FAM222B: variants seen among roughly 807,000 people sequenced by gnomAD.
FAM222B encodes family with sequence similarity 222 member B, also known as protein FAM222B.
Under a neutral mutation model 38.0 loss-of-function variants are expected in FAM222B, and 12 were observed. The ratio of observed to expected loss-of-function variants is 0.32; its 90% confidence interval spans 0.20 to 0.51. FAM222B has a LOEUF of 0.51. FAM222B is among the 20% of genes least tolerant of loss of function. FAM222B has a pLI of 0.97. For missense variants in FAM222B, 716 were observed against 754.2 expected, an observed-to-expected ratio of 0.95 and a Z score of 0.59; for synonymous variants, 329 against 317.2, an observed-to-expected ratio of 1.04 and a Z score of -0.40.
At chr17:28,767,479 T>TA (rs1409998785) in intron 1 of FAM222B, among the ~76,000 whole-genome samples, 1 of 148,806 alleles carries the variant, frequency 6.7e-6, no homozygotes, top group Non-Finnish European at 1.5e-5. Context: ...TTTATTTACT[T>TA]ATTTATTTAT....
At chr17:28,806,443 TC>T (rs914577173) in intron 1 of FAM222B, among the ~76,000 whole-genome samples, 1 of 152,144 alleles carries the variant, frequency 6.6e-6, no homozygotes, top group Admixed American at 6.6e-5. Flanking sequence ...CTTCCTGGGA[TC>T]CACCAGCACC....
chr17:28,804,380 C>T (rs1418080401), intron 1 of FAM222B, among the ~76,000 whole-genome samples: 1 of 152,042 alleles, frequency 6.6e-6, no homozygotes, highest in Non-Finnish European at 1.5e-5. Flanking sequence ...CTGTCGCCAG[C>T]CTAGAGCGCA....
chr17:28,790,884 C>CATTTTTTTTTTTTTTTTTTTTTTTT lies in FAM222B; in HGVS notation c.-40-24178_-40-24177insAAAAAAAAAAAAAAAAAAAAAAAAT, dbSNP rs71135852. On this transcript the variant is annotated intron_variant, in intron 1 of 2. Coordinates refer to ENST00000581407, the MANE Select transcript of FAM222B (RefSeq NM_001077498.3). ...GTTCTATATATTTCAAATTGTTTCA[C>CATTTTTTTTTTTTTTTTTTTTTTTT]TTTTTTTTTTTTTTTTTTTTTTTTT... 3.8e-3 allele frequency among the ~76,000 whole-genome samples: 331 copies of CATTTTTTTTTTTTTTTTTTTTTTTT among 86,084 alleles called. 134 individuals are homozygous for CATTTTTTTTTTTTTTTTTTTTTTTT. The highest frequency in any genetic ancestry group is 5.3e-3 in the Non-Finnish European group (243 of 46,266). 56.5% of individuals were successfully genotyped at this position (86,084 alleles called of 152,430 possible). A position where few individuals can be genotyped will look rare whatever the true frequency, so the allele number is the denominator to read the frequency against.
intron 1 of FAM222B, among the ~76,000 whole-genome samples, chr17:28,769,586 C>T (rs34463441): frequency 0.19 from 28,758 of 152,178 alleles, 2,850 homozygotes; most frequent in South Asian, 0.3. Context: ...CGTGAGCCAC[C>T]GCGCCCGGCC....
intron 1 of FAM222B, among the ~76,000 whole-genome samples, chr17:28,853,303 G>A (rs1207266081): frequency 6.6e-6 from 1 of 152,014 alleles, no homozygotes; most frequent in Non-Finnish European, 1.5e-5. Context: ...GGTCGAGGCT[G>A]TAGTGAGCCA....
intron 1 of FAM222B, among the ~76,000 whole-genome samples, chr17:28,774,770 C>T (rs1282951025): frequency 3.3e-5 from 5 of 151,528 alleles, no homozygotes; most frequent in Non-Finnish European, 7.4e-5. Flanking sequence ...GGTGAAACCC[C>T]GTCTCTACTA....
chr17:28,763,000 T>A (rs1197337894), intron 2 of FAM222B, among the ~76,000 whole-genome samples: 2 of 152,016 alleles, frequency 1.3e-5, no homozygotes, highest in Non-Finnish European at 2.9e-5. Context: ...CCCTGACTAC[T>A]TATTTTCTTC....
At chr17:28,788,465 A>C (rs2036518114) in intron 1 of FAM222B, among the ~76,000 whole-genome samples, 1 of 149,316 alleles carries the variant, frequency 6.7e-6, no homozygotes, top group Non-Finnish European at 1.5e-5. Context: ...TCTGGAACTC[A>C]TGAGCTCAGG....
At chr17:28,813,702 A>AT (rs571045731) in intron 1 of FAM222B, among the ~76,000 whole-genome samples, 10,521 of 135,236 alleles carry the variant, frequency 0.078, 454 homozygotes, top group African/African-American at 0.13. Flanking sequence ...CGCCCAGCTA[A>AT]TTTTTTTTTT....
At chr17:28,852,673 C>T (rs974780205) in intron 1 of FAM222B, among the ~76,000 whole-genome samples, 7 of 152,020 alleles carry the variant, frequency 4.6e-5, no homozygotes, top group Non-Finnish European at 4.4e-5. Context: ...AAAGAAAATC[C>T]TCTGTTAACC....
chr17:28,823,355 C>A (rs954686121), intron 1 of FAM222B, among the ~76,000 whole-genome samples: 1 of 149,558 alleles, frequency 6.7e-6, no homozygotes, highest in Non-Finnish European at 1.5e-5. Context: ...GCTCACCACT[C>A]CGTTCTATTT....
At chr17:28,811,766 C>T (rs2037777021) in intron 1 of FAM222B, among the ~76,000 whole-genome samples, 2 of 152,142 alleles carry the variant, frequency 1.3e-5, no homozygotes, top group Admixed American at 1.3e-4. Flanking sequence ...GGGGCTGCTC[C>T]CTCTTTCCAC....
chr17:28,814,726 C>G (rs2037945798), intron 1 of FAM222B, among the ~76,000 whole-genome samples: 1 of 151,070 alleles, frequency 6.6e-6, no homozygotes, highest in African/African-American at 2.4e-5. Flanking sequence ...CTCGGCCTCC[C>G]AAAGTGCTGG....
chr17:28,797,747 A>G (rs2037010435), intron 1 of FAM222B, among the ~76,000 whole-genome samples: 1 of 152,162 alleles, frequency 6.6e-6, no homozygotes, highest in Admixed American at 6.6e-5. Flanking sequence ...ATGTATCATC[A>G]GCCCCATTTT....
intron 1 of FAM222B, among the ~76,000 whole-genome samples, chr17:28,851,081 T>C (rs2039177856): frequency 6.6e-6 from 1 of 151,996 alleles, no homozygotes; most frequent in Non-Finnish European, 1.5e-5. Context: ...ATCGCACCGC[T>C]GCACTCCAGC....
chr17:28,834,638 C>G (rs1400936730), intron 1 of FAM222B: 3 of 152,036 alleles, frequency 2.0e-5, no homozygotes, highest in African/African-American at 7.2e-5. Context: ...ACTAATGTTC[C>G]CATAGCACTT....
intron 1 of FAM222B, among the ~76,000 whole-genome samples, chr17:28,784,199 C>A (rs183866820): frequency 2.2e-3 from 340 of 152,146 alleles, no homozygotes; most frequent in Middle Eastern, 0.017. Context: ...TCTTGTGGGG[C>A]ACAGTGGCTC....
chr17:28,783,090 AT>A (rs1308956371), intron 1 of FAM222B, among the ~76,000 whole-genome samples: 3 of 150,788 alleles, frequency 2.0e-5, no homozygotes, highest in African/African-American at 7.3e-5. Flanking sequence ...GTGAGCCAAG[AT>A]CGTGCCACTG....
intron 1 of FAM222B, among the ~76,000 whole-genome samples, chr17:28,848,690 G>A (rs925618927): frequency 1.3e-5 from 2 of 151,846 alleles, no homozygotes; most frequent in Non-Finnish European, 2.9e-5. Flanking sequence ...CCAGGGAGGC[G>A]GAGGTTGCAG....
Sources: gnomAD v4.1 joint callset for allele counts (sites outside exome capture counted in the v4.1 genomes callset) on GRCh38, gnomAD v4.1.1 for gene constraint, MANE v1.5 for transcripts, NCBI Gene and HGNC (gene_info 2026-07-23, HGNC 2026-07-21) for gene names.